Variants in GBA1 observed in about 807,000 individuals in gnomAD.
The protein encoded by GBA1 is lysosomal acid glucosylceramidase.
chr1:155,239,605 T>G, the GBA1 span: 1 of 1,614,040 alleles, frequency 6.2e-7, no homozygotes, highest in Non-Finnish European at 8.5e-7. Context: ...TCTTGTCCCC[T>G]TCCTCCTCAC....
chr1:155,241,093 G>A, the GBA1 span: 1 of 1,613,872 alleles, frequency 6.2e-7, no homozygotes, highest in Non-Finnish European at 8.5e-7. Context: ...TACCTCTCTG[G>A]AAGGACTTGA....
At chr1:155,236,558 C>G in the GBA1 span, 28 of 1,042,288 alleles carry the variant, frequency 2.7e-5, no homozygotes, top group South Asian at 3.1e-4. Context: ...AGTTGGGTGA[C>G]GGGAAGAATG....
the GBA1 span, chr1:155,239,934 G>A: frequency 1.2e-5 from 20 of 1,614,120 alleles, no homozygotes; most frequent in Middle Eastern, 1.7e-4. Flanking sequence ...AGCTCCATCC[G>A]TCGCCCACTG....
At chr1:155,235,707 G>A in the GBA1 span, 2 of 1,611,246 alleles carry the variant, frequency 1.2e-6, no homozygotes, top group South Asian at 2.2e-5. Context: ...GGTAGAACAT[G>A]GGCTGTTTGT....
the GBA1 span, chr1:155,244,587 G>A: frequency 1.3e-5 from 2 of 152,234 alleles, no homozygotes. Context: ...GGGCGGGACT[G>A]GAGACTGGGG....
At chr1:155,242,889 G>A in the GBA1 span, among the ~76,000 whole-genome samples, 2 of 152,116 alleles carry the variant, frequency 1.3e-5, no homozygotes, top group East Asian at 1.9e-4. Context: ...CACCACACCC[G>A]GTCCCTCCAG....
chr1:155,241,697 T>G, the GBA1 span, among the ~76,000 whole-genome samples: 2 of 152,134 alleles, frequency 1.3e-5, no homozygotes, highest in African/African-American at 4.8e-5. Flanking sequence ...TGGAGAGCTC[T>G]CTGAGATGAG....
At chr1:155,240,204 C>T in the GBA1 span, 1 of 821,636 alleles carries the variant, frequency 1.2e-6, no homozygotes, top group Non-Finnish European at 2.0e-6. Flanking sequence ...GGGCTCACAC[C>T]TGTAATCCTA....
At chr1:155,241,478 G>GAACCACAGCAGGC in the GBA1 span, among the ~76,000 whole-genome samples, 4 of 152,062 alleles carry the variant, frequency 2.6e-5, no homozygotes, top group African/African-American at 9.7e-5. Context: ...CAGAGGATGG[G>GAACCACAGCAGGC]AACCACAGCA....
At chr1:155,238,890 C>G in the GBA1 span, 1 of 567,374 alleles carries the variant, frequency 1.8e-6, no homozygotes, top group Non-Finnish European at 3.1e-6. Context: ...AAAACAGGAA[C>G]CAAATGTCAG....
the GBA1 span, chr1:155,240,797 C>T: frequency 1.7e-5 from 21 of 1,258,634 alleles, no homozygotes; most frequent in African/African-American, 2.5e-4. Flanking sequence ...GCTTAGCTGC[C>T]TTTGGGTGCC....
the GBA1 span, chr1:155,244,391 C>T: frequency 6.6e-6 from 1 of 152,098 alleles, no homozygotes; most frequent in Non-Finnish European, 1.5e-5. Flanking sequence ...CAGGGCGAGA[C>T]TCCCTCAAAA....
the GBA1 span, chr1:155,239,643 G>A: frequency 6.2e-7 from 1 of 1,614,190 alleles, no homozygotes; most frequent in Non-Finnish European, 8.5e-7. Context: ...GATTTAAGTA[G>A]CAAATTTTGG....
chr1:155,236,635 T>A, the GBA1 span, among the ~76,000 whole-genome samples: 4 of 152,070 alleles, frequency 2.6e-5, no homozygotes, highest in African/African-American at 9.7e-5. Flanking sequence ...TCACTCGGGC[T>A]GGAGTACAGT....
the GBA1 span, among the ~76,000 whole-genome samples, chr1:155,243,152 T>A: frequency 6.6e-6 from 1 of 152,226 alleles, no homozygotes; most frequent in African/African-American, 2.4e-5. Context: ...GTCTTATGCA[T>A]TCTAAGTATC....
At chr1:155,243,232 T>C in the GBA1 span, among the ~76,000 whole-genome samples, 1 of 152,212 alleles carries the variant, frequency 6.6e-6, no homozygotes, top group African/African-American at 2.4e-5. Context: ...ACTATGTCAG[T>C]AGCCACCCCT....
chr1:155,237,663 C>A, the GBA1 span: 1 of 1,584,668 alleles, frequency 6.3e-7, no homozygotes, highest in South Asian at 1.1e-5. Flanking sequence ...GTAATCCCAG[C>A]ACTTTGGGAA....
the GBA1 span, chr1:155,237,281 C>T: frequency 4.5e-5 from 73 of 1,613,142 alleles, no homozygotes; most frequent in Middle Eastern, 8.3e-4. Flanking sequence ...AGTTTGGGAG[C>T]CAGTCATTTG....
the GBA1 span, chr1:155,240,410 G>C: frequency 1.6e-6 from 1 of 616,332 alleles, no homozygotes; most frequent in Non-Finnish European, 2.9e-6. Context: ...GTTGGAATGA[G>C]CCAAAATTGC....
Sources: allele counts gnomAD v4.1 joint callset (sites outside exome capture counted in the v4.1 genomes callset), GRCh38; gene constraint gnomAD v4.1.1; transcripts MANE v1.5; gene names NCBI Gene and HGNC (gene_info 2026-07-23, HGNC 2026-07-21).